Variants in L3MBTL4 observed in about 807,000 individuals in gnomAD.
The protein encoded by L3MBTL4 is L3MBTL histone methyl-lysine binding protein 4, also known as lethal(3)malignant brain tumor-like protein 4.
Under a neutral mutation model 84.5 loss-of-function variants are expected in L3MBTL4, and 70 were observed. The observed-to-expected ratio is 0.83, with a 90% CI of 0.68 to 1.01. The LOEUF (loss-of-function observed/expected upper bound fraction) is 1.01, where lower values mean the gene tolerates loss of function less well. Among genes scored for constraint, L3MBTL4 ranks in the 50% least tolerant of loss-of-function variants. L3MBTL4 has a pLI of 0.00. For missense variants in L3MBTL4, 715 were observed against 754.8 expected, an observed-to-expected ratio of 0.95 and a Z score of 0.62; for synonymous variants, 274 against 259.8, an observed-to-expected ratio of 1.05 and a Z score of -0.52.
intron 1 of L3MBTL4, among the ~76,000 whole-genome samples, chr18:6,318,133 A>C (rs2051204010): frequency 6.6e-6 from 1 of 152,152 alleles, no homozygotes; most frequent in African/African-American, 2.4e-5. Flanking sequence ...GAAGCTCAGT[A>C]TGCACTAGAA....
chr18:6,016,355 T>A (rs1291053469), intron 16 of L3MBTL4, among the ~76,000 whole-genome samples: 1 of 152,220 alleles, frequency 6.6e-6, no homozygotes, highest in Admixed American at 6.5e-5. Context: ...ACCATTTGGC[T>A]CTGATCTGTG....
At chr18:6,069,186 G>C (rs2057497820) in intron 16 of L3MBTL4, among the ~76,000 whole-genome samples, 1 of 152,242 alleles carries the variant, frequency 6.6e-6, no homozygotes, top group African/African-American at 2.4e-5. Flanking sequence ...TCAAATGAGA[G>C]TTACAATTGC....
intron 4 of L3MBTL4, among the ~76,000 whole-genome samples, chr18:6,288,181 G>C (rs938930682): frequency 3.9e-5 from 6 of 152,108 alleles, no homozygotes; most frequent in African/African-American, 1.2e-4. Context: ...TAAAGTAAAA[G>C]CTATACAATC....
intron 12 of L3MBTL4, among the ~76,000 whole-genome samples, chr18:6,186,822 G>A (rs984731153): frequency 5.9e-5 from 9 of 152,210 alleles, no homozygotes; most frequent in African/African-American, 1.9e-4. Context: ...CAGGGAAGCC[G>A]TGGGAGGCCA....
chr18:6,142,126 T>C (rs1419134256), intron 13 of L3MBTL4, among the ~76,000 whole-genome samples: 1 of 152,260 alleles, frequency 6.6e-6, no homozygotes, highest in Non-Finnish European at 1.5e-5. Context: ...TACGTCCTCA[T>C]TTTATATAGC....
chr18:6,099,135 G>C (rs1403621723), intron 14 of L3MBTL4, among the ~76,000 whole-genome samples: 1 of 152,136 alleles, frequency 6.6e-6, no homozygotes, highest in Non-Finnish European at 1.5e-5. Flanking sequence ...CCCGCCCCGG[G>C]AAAGCAATGC....
chr18:6,148,849 G>A (rs2042764303), intron 13 of L3MBTL4, among the ~76,000 whole-genome samples: 1 of 152,112 alleles, frequency 6.6e-6, no homozygotes, highest in Admixed American at 6.5e-5. Context: ...TAGACTTACT[G>A]TGAGGAACTA....
intron 16 of L3MBTL4, among the ~76,000 whole-genome samples, chr18:5,997,879 C>T (rs1267286284): frequency 6.6e-6 from 1 of 152,162 alleles, no homozygotes; most frequent in Non-Finnish European, 1.5e-5. Context: ...AGTATTACTC[C>T]ACCTTATATC....
chr18:6,106,828 C>T lies in L3MBTL4; in HGVS notation c.1200-13300G>A, dbSNP rs868370734. ...AGGATTAGGAAGCAAAAGCCTCTGC[C>T]ATTTAAATCCATCCACAAATCTCTG... is the stretch of plus-strand genomic sequence containing the variant. On this transcript the variant is annotated intron_variant, in intron 14 of 18. Coordinates refer to ENST00000317931, the MANE Select transcript of L3MBTL4 (RefSeq NM_001330559.2). 3.4e-4 allele frequency among the ~76,000 whole-genome samples: 52 copies of T among 152,280 alleles called. 1 individual carries two copies. Among genetic ancestry groups the T allele is most frequent in the Middle Eastern group, 3.4e-3 (1 of 294 alleles).
chr18:6,078,539 T>C (rs1305875167), intron 16 of L3MBTL4, among the ~76,000 whole-genome samples: 1 of 150,188 alleles, frequency 6.7e-6, no homozygotes, highest in African/African-American at 2.5e-5. Flanking sequence ...TATTAAATAA[T>C]CGTTTAATAT....
At chr18:6,141,892 A>G (rs1257384059) in intron 13 of L3MBTL4, among the ~76,000 whole-genome samples, 1 of 152,028 alleles carries the variant, frequency 6.6e-6, no homozygotes, top group African/African-American at 2.4e-5. Context: ...TCGAATTTTT[A>G]CCCTGGCCTA....
intron 5 of L3MBTL4, among the ~76,000 whole-genome samples, chr18:6,254,937 C>A (rs900619579): frequency 2.0e-5 from 3 of 152,160 alleles, no homozygotes; most frequent in African/African-American, 7.2e-5. Context: ...CAGCAAAGAT[C>A]ATTTATGAAC....
chr18:6,057,553 AT>A (rs998466568), intron 16 of L3MBTL4, among the ~76,000 whole-genome samples: 3 of 152,106 alleles, frequency 2.0e-5, no homozygotes, highest in African/African-American at 4.8e-5. Flanking sequence ...TACTTTATTA[AT>A]TTTTTTGTGA....
chr18:6,405,214 G>A (rs1395869150), intron 1 of L3MBTL4, among the ~76,000 whole-genome samples: 1 of 152,116 alleles, frequency 6.6e-6, no homozygotes, highest in African/African-American at 2.4e-5. Context: ...TGTGCCCTAC[G>A]GCAGCAGTGG....
chr18:6,220,391 T>G (rs1031439946), intron 10 of L3MBTL4, among the ~76,000 whole-genome samples: 7 of 152,172 alleles, frequency 4.6e-5, no homozygotes, highest in African/African-American at 1.7e-4. Flanking sequence ...CTTCAAGTTC[T>G]TGTACTTGTT....
chr18:6,356,081 T>A (rs2053433046), intron 1 of L3MBTL4, among the ~76,000 whole-genome samples: 1 of 152,228 alleles, frequency 6.6e-6, no homozygotes, highest in African/African-American at 2.4e-5. Flanking sequence ...GTCAGCTCTC[T>A]TTCTAGTGAC....
At chr18:6,272,449 T>A in intron 4 of L3MBTL4, among the ~76,000 whole-genome samples, 1 of 131,580 alleles carries the variant, frequency 7.6e-6, no homozygotes, top group African/African-American at 2.8e-5. Flanking sequence ...CACAGAACAG[T>A]TCTGACAGCC....
chr18:6,130,422 A>T (rs1266793310), intron 14 of L3MBTL4, among the ~76,000 whole-genome samples: 2 of 152,174 alleles, frequency 1.3e-5, no homozygotes, highest in South Asian at 2.1e-4. Flanking sequence ...CCAAAAATAT[A>T]TTAGATTTAT....
At chr18:6,262,096 C>A (rs1314033364) in intron 5 of L3MBTL4, among the ~76,000 whole-genome samples, 3 of 152,174 alleles carry the variant, frequency 2.0e-5, no homozygotes, top group Non-Finnish European at 4.4e-5. Flanking sequence ...TTGGCTCAAC[C>A]TCAAATCCTG....
Sources: allele counts gnomAD v4.1 joint callset (sites outside exome capture counted in the v4.1 genomes callset), GRCh38; gene constraint gnomAD v4.1.1; transcripts MANE v1.5; gene names NCBI Gene and HGNC (gene_info 2026-07-23, HGNC 2026-07-21).